The following CDC42BPA variants were observed in gnomAD, a reference collection of about 807,000 sequenced individuals.
The protein encoded by CDC42BPA is serine/threonine-protein kinase MRCK alpha.
Under a neutral mutation model 223.5 loss-of-function variants are expected in CDC42BPA, and 80 were observed. That is an observed-to-expected ratio of 0.36 (90% CI 0.30 to 0.43). The LOEUF is 0.43. CDC42BPA is among the 20% of genes least tolerant of loss of function. The pLI, the probability that CDC42BPA is intolerant of heterozygous loss-of-function variation, is 1.00. For synonymous variants in CDC42BPA, 694 were observed against 718.6 expected (o/e 0.97, Z 0.55); for missense variants, 1,743 against 2,099.9 (o/e 0.83, Z 3.32).
At chr1:227,180,859 A>G (rs932997276) in intron 5 of CDC42BPA, among the ~76,000 whole-genome samples, 2 of 151,784 alleles carry the variant, frequency 1.3e-5, no homozygotes, top group Non-Finnish European at 2.9e-5. Flanking sequence ...TTCACAATCT[A>G]AATAGCAAGT....
intron 26 of CDC42BPA, among the ~76,000 whole-genome samples, chr1:227,033,992 A>G (rs2148690423): frequency 6.6e-6 from 1 of 152,228 alleles, no homozygotes. Context: ...GTCATGTTCC[A>G]TATTTGTAGG....
intron 30 of CDC42BPA, among the ~76,000 whole-genome samples, chr1:227,027,381 A>G (rs1668467220): frequency 6.6e-6 from 1 of 150,858 alleles, no homozygotes; most frequent in Non-Finnish European, 1.5e-5. Flanking sequence ...CATACCCATC[A>G]CTCCTCCTCC....
intron 1 of CDC42BPA, among the ~76,000 whole-genome samples, chr1:227,311,867 T>C (rs193054706): frequency 6.5e-4 from 98 of 151,356 alleles, no homozygotes; most frequent in Non-Finnish European, 2.1e-4. Flanking sequence ...CCCATCTATT[T>C]CCAAGTCTGT....
intron 6 of CDC42BPA, among the ~76,000 whole-genome samples, chr1:227,150,217 C>T (rs1232819719): frequency 1.4e-4 from 16 of 114,218 alleles, no homozygotes; most frequent in Non-Finnish European, 2.5e-4. Context: ...AGAGTGAAAC[C>T]CTGTCTCAAA....
chr1:227,123,963 G>T (rs1282949936), intron 11 of CDC42BPA, among the ~76,000 whole-genome samples: 1 of 151,930 alleles, frequency 6.6e-6, no homozygotes, highest in East Asian at 1.9e-4. Flanking sequence ...GTACATTATA[G>T]ATTATAATAA....
At chr1:227,255,044 T>C (rs1245230768) in intron 1 of CDC42BPA, among the ~76,000 whole-genome samples, 1 of 152,344 alleles carries the variant, frequency 6.6e-6, no homozygotes, top group African/African-American at 2.4e-5. Context: ...TTGAATTTCA[T>C]TAAAGGAATT....
intron 2 of CDC42BPA, among the ~76,000 whole-genome samples, chr1:227,229,349 A>G (rs1477325484): frequency 6.6e-6 from 1 of 152,146 alleles, no homozygotes; most frequent in East Asian, 1.9e-4. Flanking sequence ...TGGACTTTCA[A>G]TTCTTTTCTC....
At chr1:227,172,442 C>G (rs1666251959) in intron 5 of CDC42BPA, among the ~76,000 whole-genome samples, 1 of 152,056 alleles carries the variant, frequency 6.6e-6, no homozygotes, top group Admixed American at 6.6e-5. Flanking sequence ...ATACAATCAA[C>G]AAGGAGAACA....
chr1:227,089,627 G>GTTT (rs72110440), intron 16 of CDC42BPA, among the ~76,000 whole-genome samples: 6,435 of 116,198 alleles, frequency 0.055, 210 homozygotes, highest in East Asian at 0.2. Context: ...GGGTAATTCC[G>GTTT]TTTTTTTTTT....
Position 226,992,054 on chromosome 1 carries a change from AGAGT to A in CDC42BPA, c.*2210_*2213del, listed in dbSNP as rs1660821967. 1.3e-5 allele frequency: 1 copy of A among 78,010 alleles called. No individual in the cohort carries two copies. Among genetic ancestry groups the A allele is most frequent in the Non-Finnish European group, 2.6e-5 (1 of 38,726 alleles). 4.8% of individuals were successfully genotyped at this position (78,010 alleles called of 1,614,324 possible). ...GGTGGGGAGAGTGAGGAGGGTGGGG[AGAGT>A]GGGGAGGAGAGGAGAGAAGGGTGGA... On this transcript the variant is annotated 3_prime_UTR_variant, in exon 37 of 37. Transcript: ENST00000366766.
chr1:227,165,180 C>T (rs1664813356), intron 5 of CDC42BPA, among the ~76,000 whole-genome samples: 1 of 152,114 alleles, frequency 6.6e-6, no homozygotes, highest in African/African-American at 2.4e-5. Context: ...ATCTCTGCTC[C>T]CTCCAGAACT....
intron 16 of CDC42BPA, 42 bp downstream of exon 16, chr1:227,091,844 C>G (rs750244460): frequency 9.5e-7 from 1 of 1,048,394 alleles, no homozygotes; most frequent in South Asian, 1.5e-5. Flanking sequence ...TGTTGAACAT[C>G]TAGCATGTAC....
chr1:227,297,450 G>A (rs570957418), intron 1 of CDC42BPA, among the ~76,000 whole-genome samples: 2 of 152,240 alleles, frequency 1.3e-5, no homozygotes, highest in African/African-American at 4.8e-5. Flanking sequence ...ATGCAAAAGA[G>A]TTAAAAATAG....
rs188024586 is a variant in CDC42BPA at position 227,181,485 on chromosome 1, A to G, written c.599+12301T>C. Among the ~76,000 whole-genome samples, 324 of 152,306 alleles carry G rather than the reference A, an allele frequency of 2.1e-3. 2 individuals are homozygous for G. The highest frequency in any genetic ancestry group is 3.0e-3 in the Non-Finnish European group (206 of 68,004). On this transcript the variant is annotated intron_variant, in intron 5 of 36. Coordinates refer to ENST00000366766, the MANE Select transcript of CDC42BPA (RefSeq NM_001394014.1). ...CAATTTTTTGAAGTATCTTCTTCCT[A>G]TGATAAACATGGCTTTTTCCAAGAG...
chr1:227,087,951 G>T (rs564604770), intron 16 of CDC42BPA, among the ~76,000 whole-genome samples: 11 of 151,922 alleles, frequency 7.2e-5, no homozygotes, highest in Non-Finnish European at 1.6e-4. Context: ...CACATTTGTG[G>T]TTGGGGTTTC....
At chr1:227,253,996 C>T (rs910326795) in intron 2 of CDC42BPA, 68 bp downstream of exon 2, 14 of 849,954 alleles carry the variant, frequency 1.6e-5, no homozygotes, top group Non-Finnish European at 2.6e-5. Context: ...TTGTTAAATT[C>T]TCTCACAATT....
chr1:226,990,346 G>A lies in CDC42BPA; in HGVS notation c.*3922C>T, dbSNP rs902590676. ...AGGGCCCAGCGTGCTGCCAGTGCTG[G>A]GGGGCAGGGCTTACACTCCTTATCT... On this transcript the variant is annotated 3_prime_UTR_variant, in exon 37 of 37. Coordinates refer to ENST00000366766, the MANE Select transcript of CDC42BPA (RefSeq NM_001394014.1). The A allele has an allele frequency of 6.6e-6, 1 of 152,248 alleles. No homozygotes were observed. Among genetic ancestry groups the A allele is most frequent in the African/African-American group, 2.4e-5 (1 of 41,444 alleles). 9.4% of individuals were successfully genotyped at this position (152,248 alleles called of 1,614,324 possible).
At chr1:227,223,594 A>G (rs918297666) in intron 2 of CDC42BPA, among the ~76,000 whole-genome samples, 5 of 152,146 alleles carry the variant, frequency 3.3e-5, no homozygotes, top group African/African-American at 1.2e-4. Flanking sequence ...GTGACTGGTG[A>G]GATATGGAGA....
chr1:227,274,998 G>A (rs1381882024), intron 1 of CDC42BPA, among the ~76,000 whole-genome samples: 5 of 152,118 alleles, frequency 3.3e-5, no homozygotes, highest in Non-Finnish European at 7.4e-5. Context: ...ACCTGTCTCA[G>A]TAATTGATAA....
Sources: gnomAD v4.1 joint callset for allele counts (sites outside exome capture counted in the v4.1 genomes callset) on GRCh38, gnomAD v4.1.1 for gene constraint, MANE v1.5 for transcripts, NCBI Gene and HGNC (gene_info 2026-07-23, HGNC 2026-07-21) for gene names.